PARD3: variants seen among roughly 807,000 people sequenced by gnomAD.
PARD3 encodes par-3 family cell polarity regulator.
In PARD3, 75 loss-of-function variants were observed where a neutral mutation model predicts 155.4. The observed-to-expected ratio is 0.48, with a 90% CI of 0.40 to 0.58. The LOEUF is 0.58. PARD3 is among the 20% of genes least tolerant of loss of function. The probability of loss-of-function intolerance (pLI) is 0.00; values close to 1 mark genes in which losing one functional copy is unlikely to be tolerated. For synonymous variants in PARD3, 576 were observed against 610.5 expected (o/e 0.94, Z 0.83); for missense variants, 1,642 against 1,721.7 (o/e 0.95, Z 0.82).
At chr10:34,174,933 C>T (rs1056170093) in intron 22 of PARD3, among the ~76,000 whole-genome samples, 7 of 151,942 alleles carry the variant, frequency 4.6e-5, no homozygotes, top group African/African-American at 1.5e-4. Context: ...TAATACAATT[C>T]GTTTCAAAAT....
intron 22 of PARD3, among the ~76,000 whole-genome samples, chr10:34,137,436 C>T (rs1947959624): frequency 6.6e-6 from 1 of 152,156 alleles, no homozygotes; most frequent in African/African-American, 2.4e-5. Flanking sequence ...GATTGCACCC[C>T]GAGGGAGACC....
Position 34,683,929 on chromosome 10 carries a change from T to G in PARD3, c.222+12389A>C, listed in dbSNP as rs920258875. Reference sequence around the variant, plus strand: ...TGGGAAGTCATCTTTCTGAATTAATTAGCCATTTGCTGCTCTGCTTGGCAG... The same window carrying G: ...TGGGAAGTCATCTTTCTGAATTAATGAGCCATTTGCTGCTCTGCTTGGCAG... On this transcript the variant is annotated intron_variant, in intron 2 of 24. Coordinates refer to ENST00000374788, the MANE Select transcript of PARD3 (RefSeq NM_001184785.2). Among the ~76,000 whole-genome samples, 8 of 152,210 alleles carry G rather than the reference T, an allele frequency of 5.3e-5. No homozygotes were observed. In the East Asian group the frequency reaches 1.5e-3, roughly 29 times the overall value.
At chr10:34,709,547 T>C (rs888021097) in intron 1 of PARD3, among the ~76,000 whole-genome samples, 1 of 152,194 alleles carries the variant, frequency 6.6e-6, no homozygotes, top group Non-Finnish European at 1.5e-5. Flanking sequence ...TAAACCAGGA[T>C]GGTGGTGGAG....
chr10:34,797,337 G>A (rs1268490557), intron 1 of PARD3, among the ~76,000 whole-genome samples: 2 of 152,170 alleles, frequency 1.3e-5, no homozygotes, highest in East Asian at 3.9e-4. Context: ...ATTCTTTGTA[G>A]AGACAGGGTC....
At chr10:34,481,196 T>TTTTA (rs141668425) in intron 3 of PARD3, among the ~76,000 whole-genome samples, 3,510 of 150,746 alleles carry the variant, frequency 0.023, 54 homozygotes, top group Non-Finnish European at 0.032. Flanking sequence ...CCAACAGTTG[T>TTTTA]TTTATTTATT....
chr10:34,307,043 C>T (rs933715557), intron 20 of PARD3, among the ~76,000 whole-genome samples: 21 of 100,674 alleles, frequency 2.1e-4, no homozygotes, highest in African/African-American at 8.1e-4. Context: ...CCCGCCACCA[C>T]GCCCGGCTAA....
At chr10:34,485,059 C>T (rs143487596) in intron 3 of PARD3, among the ~76,000 whole-genome samples, 9 of 152,244 alleles carry the variant, frequency 5.9e-5, no homozygotes, top group East Asian at 1.9e-4. Context: ...AAGTTTAGGC[C>T]GGGCACAGTG....
intron 22 of PARD3, among the ~76,000 whole-genome samples, chr10:34,233,017 ATTTT>A (rs3039283): frequency 0.017 from 1,610 of 96,138 alleles, 10 homozygotes; most frequent in Non-Finnish European, 0.023. Flanking sequence ...TCAAATGTTA[ATTTT>A]TTTTTTTTTT....
chr10:34,383,440 ATTAT>A (rs1295101437), intron 8 of PARD3, among the ~76,000 whole-genome samples: 2 of 151,882 alleles, frequency 1.3e-5, no homozygotes, highest in Admixed American at 6.6e-5. Flanking sequence ...GTAACTATTA[ATTAT>A]TTATTAAGTT....
intron 24 of PARD3, among the ~76,000 whole-genome samples, chr10:34,119,372 T>A (rs941877126): frequency 8.1e-4 from 124 of 152,270 alleles, no homozygotes; most frequent in African/African-American, 2.8e-3. Context: ...TCGCTTCACT[T>A]TTTTAGGGAG....
At position 34,407,681 on chromosome 10, in the gene PARD3, A is replaced by G. The variant is rs191183281; in HGVS notation, c.715-5764T>C. ...GTTTAACTTCTCATGCAGAAATTGG[A>G]AAAGAGCCAGGCATGGTGGCGTGCG... is the stretch of plus-strand genomic sequence containing the variant. On this transcript the variant is annotated intron_variant, in intron 5 of 24. Coordinates refer to ENST00000374788, the MANE Select transcript of PARD3 (RefSeq NM_001184785.2). Among the ~76,000 whole-genome samples the G allele has an allele frequency of 2.2e-4, 33 of 152,206 alleles. No individual in the cohort carries two copies. The East Asian group carries it at 6.0e-3, about 28-fold the overall frequency.
intron 20 of PARD3, among the ~76,000 whole-genome samples, chr10:34,313,813 T>C (rs1453118503): frequency 6.6e-6 from 1 of 152,126 alleles, no homozygotes; most frequent in Non-Finnish European, 1.5e-5. Context: ...GGAGAGCCTG[T>C]GAGCCTGTTT....
At chr10:34,643,870 T>C (rs1263771225) in intron 2 of PARD3, among the ~76,000 whole-genome samples, 2 of 152,116 alleles carry the variant, frequency 1.3e-5, no homozygotes, top group African/African-American at 4.8e-5. Context: ...TGAGCTATGA[T>C]TGCACCACTG....
At chr10:34,697,437 C>A (rs770364820) in intron 1 of PARD3, among the ~76,000 whole-genome samples, 2 of 152,242 alleles carry the variant, frequency 1.3e-5, no homozygotes, top group Middle Eastern at 3.4e-3. Context: ...AATACAGATT[C>A]CTGGACCCTG....
chr10:34,728,293 G>A (rs2094754712), intron 1 of PARD3, among the ~76,000 whole-genome samples: 1 of 152,066 alleles, frequency 6.6e-6, no homozygotes, highest in African/African-American at 2.4e-5. Context: ...ATATTCTTCA[G>A]GAAGCCTGTA....
At chr10:34,500,962 A>G (rs932889330) in intron 3 of PARD3, among the ~76,000 whole-genome samples, 4 of 152,318 alleles carry the variant, frequency 2.6e-5, no homozygotes, top group South Asian at 4.1e-4. Flanking sequence ...GCACTAAAAA[A>G]TTACTATATT....
chr10:34,384,614 TTC>T (rs1329175182), intron 7 of PARD3, among the ~76,000 whole-genome samples: 3 of 152,150 alleles, frequency 2.0e-5, no homozygotes, highest in Non-Finnish European at 2.9e-5. Flanking sequence ...TTGGGCAATT[TTC>T]TGTTTTAAGC....
chr10:34,474,329 T>G (rs1039308510), intron 3 of PARD3, among the ~76,000 whole-genome samples: 1 of 152,208 alleles, frequency 6.6e-6, no homozygotes, highest in Non-Finnish European at 1.5e-5. Flanking sequence ...GGGGCAGGTA[T>G]AGGTTCATAC....
intron 4 of PARD3, among the ~76,000 whole-genome samples, chr10:34,451,335 G>A (rs903814750): frequency 6.6e-6 from 1 of 152,108 alleles, no homozygotes; most frequent in Non-Finnish European, 1.5e-5. Flanking sequence ...ATTACCTTCA[G>A]TTGGATCCAC....
Sources: gnomAD v4.1 joint callset for allele counts (sites outside exome capture counted in the v4.1 genomes callset) on GRCh38, gnomAD v4.1.1 for gene constraint, MANE v1.5 for transcripts, NCBI Gene and HGNC (gene_info 2026-07-23, HGNC 2026-07-21) for gene names.